Variants in CCSER1 observed in about 807,000 individuals in gnomAD.
The protein encoded by CCSER1 is serine-rich coiled-coil domain-containing protein 1.
CCSER1 carries 41 observed loss-of-function variants against 82.0 expected under a neutral mutation model. The ratio of observed to expected loss-of-function variants is 0.50; its 90% CI spans 0.39 to 0.65. The LOEUF is 0.65. CCSER1 is among the 30% of genes least tolerant of loss of function. The probability of loss-of-function intolerance (pLI) is 0.00; values close to 1 mark genes in which losing one functional copy is unlikely to be tolerated. For synonymous variants in CCSER1, 414 were observed against 383.9 expected, an observed-to-expected ratio of 1.08 and a Z score of -0.92; for missense variants, 1,119 against 1,064.2, an observed-to-expected ratio of 1.05 and a Z score of -0.72.
intron 1 of CCSER1, among the ~76,000 whole-genome samples, chr4:90,203,560 G>A (rs943893907): frequency 6.6e-6 from 1 of 152,198 alleles, no homozygotes; most frequent in African/African-American, 2.4e-5. Context: ...ATTCCATGGT[G>A]TATATGTGCC....
chr4:90,333,848 C>T (rs1739851416), intron 3 of CCSER1, among the ~76,000 whole-genome samples: 1 of 152,030 alleles, frequency 6.6e-6, no homozygotes, highest in African/African-American at 2.4e-5. Context: ...GATACAAAAT[C>T]GGTTCAGGTC....
intron 4 of CCSER1, among the ~76,000 whole-genome samples, chr4:90,465,978 T>A (rs1763580714): frequency 6.6e-6 from 1 of 152,206 alleles, no homozygotes; most frequent in South Asian, 2.1e-4. Flanking sequence ...TTATCAGGAA[T>A]ATATAAATTG....
At chr4:91,487,163 G>A (rs1758267164) in intron 10 of CCSER1, among the ~76,000 whole-genome samples, 1 of 152,074 alleles carries the variant, frequency 6.6e-6, no homozygotes, top group Admixed American at 6.6e-5. Flanking sequence ...GAAAAAGTAG[G>A]ATTTGTTACA....
chr4:90,378,588 C>G (rs1211046224), intron 3 of CCSER1, among the ~76,000 whole-genome samples: 1 of 152,098 alleles, frequency 6.6e-6, no homozygotes, highest in East Asian at 1.9e-4. Context: ...CTGGATCTGA[C>G]TGAACCAGCA....
intron 10 of CCSER1, among the ~76,000 whole-genome samples, chr4:91,164,818 G>C (rs1731853843): frequency 6.6e-6 from 1 of 152,128 alleles, no homozygotes; most frequent in Non-Finnish European, 1.5e-5. Context: ...GTTCATTCTA[G>C]TTAGCCATTC....
intron 10 of CCSER1, among the ~76,000 whole-genome samples, chr4:91,148,630 C>A (rs561996340): frequency 2.0e-5 from 3 of 152,088 alleles, no homozygotes; most frequent in Admixed American, 6.6e-5. Flanking sequence ...GCTATCCATC[C>A]CCCATCCCAC....
intron 3 of CCSER1, among the ~76,000 whole-genome samples, chr4:90,315,289 G>A (rs1452514907): frequency 6.6e-6 from 1 of 152,158 alleles, no homozygotes; most frequent in Non-Finnish European, 1.5e-5. Context: ...CACTGCCGTG[G>A]TGGTGGACAG....
chr4:91,163,004 C>T (rs962951498), intron 10 of CCSER1, among the ~76,000 whole-genome samples: 2 of 152,026 alleles, frequency 1.3e-5, no homozygotes, highest in East Asian at 3.9e-4. Context: ...TGCCTCTCTA[C>T]TTCTTTTTAT....
At chr4:90,322,555 G>A (rs1441926150) in intron 3 of CCSER1, among the ~76,000 whole-genome samples, 2 of 152,142 alleles carry the variant, frequency 1.3e-5, no homozygotes, top group Non-Finnish European at 2.9e-5. Flanking sequence ...CATTCAATCT[G>A]TAGATTGCTT....
At chr4:91,080,053 T>A (rs138384423) in intron 9 of CCSER1, among the ~76,000 whole-genome samples, 53 of 152,286 alleles carry the variant, frequency 3.5e-4, no homozygotes, top group Middle Eastern at 6.8e-3. Flanking sequence ...AACTCAGCTC[T>A]GCACCAAGCA....
At chr4:91,337,758 G>C (rs1171638983) in intron 10 of CCSER1, among the ~76,000 whole-genome samples, 1 of 152,062 alleles carries the variant, frequency 6.6e-6, no homozygotes, top group Non-Finnish European at 1.5e-5. Context: ...ATATTCTGTA[G>C]ACACTCTCTG....
At chr4:90,521,016 T>A (rs1560651666) in intron 5 of CCSER1, among the ~76,000 whole-genome samples, 1 of 152,218 alleles carries the variant, frequency 6.6e-6, no homozygotes, top group Non-Finnish European at 1.5e-5. Context: ...GCATAATTAC[T>A]TGTAATCCTT....
intron 8 of CCSER1, among the ~76,000 whole-genome samples, chr4:90,899,917 T>C (rs1313753284): frequency 6.6e-6 from 1 of 151,974 alleles, no homozygotes. Context: ...TCTTTTTCTG[T>C]TGTGTCCTTG....
chr4:91,354,310 A>C (rs909633492), intron 10 of CCSER1, among the ~76,000 whole-genome samples: 9 of 152,206 alleles, frequency 5.9e-5, no homozygotes, highest in Non-Finnish European at 1.2e-4. Flanking sequence ...ATAGACTGGG[A>C]AGCCCAGAAG....
chr4:90,185,032 C>T (rs560513844), intron 1 of CCSER1, among the ~76,000 whole-genome samples: 3 of 152,124 alleles, frequency 2.0e-5, no homozygotes, highest in South Asian at 2.1e-4. Flanking sequence ...AATCACCATC[C>T]GTCTCTAGCC....
chr4:90,695,379 A>G (rs1736822240), intron 6 of CCSER1, among the ~76,000 whole-genome samples: 2 of 151,964 alleles, frequency 1.3e-5, no homozygotes, highest in Non-Finnish European at 2.9e-5. Flanking sequence ...TTAGGTAATA[A>G]CACTTACTAT....
chr4:91,013,267 A>T (rs533887526), intron 9 of CCSER1, among the ~76,000 whole-genome samples: 1 of 132,634 alleles, frequency 7.5e-6, no homozygotes, highest in African/African-American at 2.5e-5. Flanking sequence ...TAAGGGTCCA[A>T]TTTTTTCTTT....
intron 10 of CCSER1, among the ~76,000 whole-genome samples, chr4:91,427,769 C>T (rs1754074316): frequency 6.6e-6 from 1 of 151,956 alleles, no homozygotes. Flanking sequence ...TTGCAAATGA[C>T]TGTTTGTCAT....
At chr4:90,688,298 A>AGT (rs1467610094) in intron 6 of CCSER1, among the ~76,000 whole-genome samples, 1 of 152,126 alleles carries the variant, frequency 6.6e-6, no homozygotes, top group East Asian at 1.9e-4. Context: ...TGAATCTTAA[A>AGT]GTGTGTGTGT....
Sources: allele counts gnomAD v4.1 joint callset (sites outside exome capture counted in the v4.1 genomes callset), GRCh38; gene constraint gnomAD v4.1.1; transcripts MANE v1.5; gene names NCBI Gene and HGNC (gene_info 2026-07-23, HGNC 2026-07-21).